Variants in VPS41 observed in about 807,000 individuals in gnomAD.
The protein encoded by VPS41 is vacuolar protein sorting-associated protein 41 homolog.
Under a neutral mutation model 130.9 loss-of-function variants are expected in VPS41, and 85 were observed. That is an observed-to-expected ratio of 0.65 (90% confidence interval 0.55 to 0.78). VPS41 has a LOEUF of 0.78. Ranked by LOEUF, VPS41 falls within the 30% of genes least tolerant of loss-of-function variation. The pLI, the probability that VPS41 is intolerant of heterozygous loss-of-function variation, is 0.00. For missense variants in VPS41, 874 were observed against 1,018.7 expected, an observed-to-expected ratio of 0.86 and a Z score of 1.93; for synonymous variants, 335 against 332.9, an observed-to-expected ratio of 1.01 and a Z score of -0.07.
In VPS41 at chr7:38,841,163, T is replaced by G. The variant is rs189686384; in HGVS notation, c.247-10835A>C. Among the ~76,000 whole-genome samples the G allele has an allele frequency of 9.0e-3, 1,373 of 152,338 alleles. 26 individuals carry two copies. The highest frequency in any genetic ancestry group is 0.031 in the African/African-American group (1,269 of 41,570). On this transcript the variant is annotated intron_variant, in intron 4 of 28. Transcript: ENST00000310301. The stretch of plus-strand genomic sequence containing the variant: ...TACAAAATAAAAAAGAAAGAATTTT[T>G]GGGTTACAAATACCATTTAAACTGC...
intron 13 of VPS41, among the ~76,000 whole-genome samples, chr7:38,772,061 A>G (rs1305790362): frequency 6.6e-6 from 1 of 152,108 alleles, no homozygotes; most frequent in African/African-American, 2.4e-5. Flanking sequence ...TTTTTAAGCG[A>G]TATTGGGCAT....
intron 2 of VPS41, among the ~76,000 whole-genome samples, chr7:38,881,536 G>A (rs923664960): frequency 6.6e-6 from 1 of 152,142 alleles, no homozygotes; most frequent in African/African-American, 2.4e-5. Context: ...ATAATATAAG[G>A]ATCAGAGAGG....
intron 10 of VPS41, among the ~76,000 whole-genome samples, chr7:38,781,065 A>G (rs1295752858): frequency 6.6e-6 from 1 of 152,194 alleles, no homozygotes; most frequent in East Asian, 1.9e-4. Flanking sequence ...CAGGACTGTG[A>G]GAATTAAACC....
intron 4 of VPS41, among the ~76,000 whole-genome samples, chr7:38,836,712 C>A (rs1267892038): frequency 6.6e-6 from 1 of 151,394 alleles, no homozygotes; most frequent in Admixed American, 6.6e-5. Context: ...TGTAGGTAAA[C>A]AAGAACAAGA....
At chr7:38,854,493 C>T (rs1785936513) in intron 4 of VPS41, among the ~76,000 whole-genome samples, 1 of 152,094 alleles carries the variant, frequency 6.6e-6, no homozygotes, top group Non-Finnish European at 1.5e-5. Context: ...AAGAGTTAGG[C>T]TGTTTAGGTG....
intron 7 of VPS41, among the ~76,000 whole-genome samples, chr7:38,805,145 T>C (rs1263376315): frequency 6.6e-6 from 1 of 152,248 alleles, no homozygotes; most frequent in Non-Finnish European, 1.5e-5. Context: ...ACAGTGAGTA[T>C]ATCAAAAAGA....
intron 4 of VPS41, among the ~76,000 whole-genome samples, chr7:38,838,666 G>A (rs905110621): frequency 1.3e-5 from 2 of 152,146 alleles, no homozygotes; most frequent in Non-Finnish European, 2.9e-5. Context: ...GCAAGGACCA[G>A]CACATACCTT....
At chr7:38,764,017 A>G (rs538105644) in intron 16 of VPS41, among the ~76,000 whole-genome samples, 2 of 152,346 alleles carry the variant, frequency 1.3e-5, no homozygotes, top group South Asian at 4.1e-4. Flanking sequence ...GTTAAAAGTC[A>G]AATTTACAAA....
At chr7:38,755,003 T>C in intron 19 of VPS41, 67 bp from the exon 20 acceptor site, 2 of 1,458,770 alleles carry the variant, frequency 1.4e-6, no homozygotes, top group Admixed American at 3.4e-5. Flanking sequence ...CTAAACACAA[T>C]GCAGTGTACC....
intron 22 of VPS41, among the ~76,000 whole-genome samples, chr7:38,749,517 A>G (rs1796050596): frequency 6.6e-6 from 1 of 152,350 alleles, no homozygotes; most frequent in South Asian, 2.1e-4. Flanking sequence ...CATTTAAAGT[A>G]GAAACAAAGA....
At chr7:38,779,179 C>A (rs1045160309) in intron 10 of VPS41, among the ~76,000 whole-genome samples, 9 of 152,142 alleles carry the variant, frequency 5.9e-5, no homozygotes, top group African/African-American at 2.2e-4. Flanking sequence ...ATAATTTGGA[C>A]ACGGACTATA....
chr7:38,853,087 T>C (rs1305757284), intron 4 of VPS41, among the ~76,000 whole-genome samples: 1 of 152,120 alleles, frequency 6.6e-6, no homozygotes, highest in African/African-American at 2.4e-5. Flanking sequence ...AAGAAGTCCA[T>C]GGTAAATGTT....
chr7:38,887,709 C>T (rs1053348959), intron 2 of VPS41, among the ~76,000 whole-genome samples: 1 of 152,032 alleles, frequency 6.6e-6, no homozygotes, highest in Non-Finnish European at 1.5e-5. Context: ...AGAAGAGCAA[C>T]CCCAAGACAC....
intron 25 of VPS41, among the ~76,000 whole-genome samples, chr7:38,735,081 T>C (rs962946315): frequency 6.6e-6 from 1 of 152,228 alleles, no homozygotes; most frequent in Non-Finnish European, 1.5e-5. Context: ...GCACAAAGTA[T>C]GGATGTACCA....
intron 7 of VPS41, among the ~76,000 whole-genome samples, chr7:38,809,238 A>G (rs1314319079): frequency 4.6e-5 from 7 of 151,336 alleles, no homozygotes; most frequent in African/African-American, 1.7e-4. Context: ...TAATCCTAGC[A>G]CTTTGGGAGG....
intron 5 of VPS41, among the ~76,000 whole-genome samples, chr7:38,828,240 AACAC>A (rs144116233): frequency 6.6e-6 from 1 of 150,494 alleles, no homozygotes. Flanking sequence ...ACTGAAACTG[AACAC>A]ACACACACAC....
At chr7:38,728,363 TCTA>T in intron 27 of VPS41, 176 bp downstream of exon 27, 1 of 769,516 alleles carries the variant, frequency 1.3e-6, no homozygotes, top group South Asian at 1.5e-5. Flanking sequence ...GAACCTCAGC[TCTA>T]AGCAATGGCA....
intron 22 of VPS41, among the ~76,000 whole-genome samples, chr7:38,746,481 C>T (rs1795987178): frequency 6.6e-6 from 1 of 151,870 alleles, no homozygotes; most frequent in African/African-American, 2.4e-5. Context: ...ATGAGTCCAC[C>T]CCCGGGAGCT....
chr7:38,783,748 A>T (rs182951944), intron 10 of VPS41, among the ~76,000 whole-genome samples: 68 of 152,298 alleles, frequency 4.5e-4, no homozygotes, highest in Non-Finnish European at 7.9e-4. Context: ...TTTAAAAAAA[A>T]AACTGTTTAA....
Sources: gnomAD v4.1 joint callset for allele counts (sites outside exome capture counted in the v4.1 genomes callset) on GRCh38, gnomAD v4.1.1 for gene constraint, MANE v1.5 for transcripts, NCBI Gene and HGNC (gene_info 2026-07-23, HGNC 2026-07-21) for gene names.